The following KDM4C variants were observed in gnomAD, a reference collection of about 807,000 sequenced individuals.
KDM4C encodes lysine-specific demethylase 4C.
Under a neutral mutation model 129.3 loss-of-function variants are expected in KDM4C, and 81 were observed. That is an observed-to-expected ratio of 0.63 (90% CI 0.52 to 0.75). KDM4C has a LOEUF of 0.75. KDM4C is among the 30% of genes least tolerant of loss of function. The pLI is 0.00. For synonymous variants in KDM4C, 573 were observed against 456.1 expected, an observed-to-expected ratio of 1.26 and a Z score of -3.26; for missense variants, 1,457 against 1,304.0, an observed-to-expected ratio of 1.12 and a Z score of -1.81.
chr9:6,896,178 T>C (rs1323921888), intron 8 of KDM4C, among the ~76,000 whole-genome samples: 1 of 152,226 alleles, frequency 6.6e-6, no homozygotes, highest in Admixed American at 6.5e-5. Context: ...AGGATGCCCA[T>C]ATTTGTCTTA....
chr9:7,155,673 C>A (rs1843093751), intron 19 of KDM4C, among the ~76,000 whole-genome samples: 1 of 152,200 alleles, frequency 6.6e-6, no homozygotes, highest in African/African-American at 2.4e-5. Flanking sequence ...CATGTCCCTT[C>A]AAAGGACATG....
intron 1 of KDM4C, among the ~76,000 whole-genome samples, chr9:6,737,755 C>A (rs1817571722): frequency 6.6e-6 from 1 of 150,644 alleles, no homozygotes; most frequent in African/African-American, 2.4e-5. Flanking sequence ...AAAAAATGTT[C>A]AACATCACTA....
chr9:6,744,855 G>T (rs926684386), intron 1 of KDM4C, among the ~76,000 whole-genome samples: 23 of 152,082 alleles, frequency 1.5e-4, no homozygotes, highest in African/African-American at 4.1e-4. Context: ...GGGCAAGGTG[G>T]GGGGTGGGGA....
At chr9:6,749,069 G>C in intron 1 of KDM4C, 2 of 515,566 alleles carry the variant, frequency 3.9e-6, no homozygotes, top group Non-Finnish European at 7.4e-6. Context: ...GCCCAGGCTG[G>C]AGTGCAATGG....
intron 2 of KDM4C, among the ~76,000 whole-genome samples, chr9:6,801,452 T>C (rs1480975402): frequency 2.0e-5 from 3 of 151,178 alleles, no homozygotes; most frequent in Admixed American, 6.6e-5. Flanking sequence ...TTAGCCAGGA[T>C]AGTCTGGATC....
At chr9:7,076,623 T>C in intron 17 of KDM4C, 3 of 1,411,106 alleles carry the variant, frequency 2.1e-6, no homozygotes, top group Non-Finnish European at 1.8e-6. Flanking sequence ...GAGCTCCTGA[T>C]TGAGTCAGAC....
intron 1 of KDM4C, among the ~76,000 whole-genome samples, chr9:6,739,480 T>G (rs1817622555): frequency 1.3e-5 from 2 of 152,132 alleles, no homozygotes; most frequent in South Asian, 4.1e-4. Context: ...GTGTTTACAC[T>G]AAGGCTTCAC....
chr9:6,797,133 C>T (rs533854183), intron 2 of KDM4C, among the ~76,000 whole-genome samples: 3 of 152,020 alleles, frequency 2.0e-5, no homozygotes, highest in African/African-American at 4.8e-5. Flanking sequence ...CTGGGACTAC[C>T]CACGCCTGGG....
chr9:6,914,515 C>G (rs947233673), intron 8 of KDM4C, among the ~76,000 whole-genome samples: 9 of 152,116 alleles, frequency 5.9e-5, no homozygotes, highest in African/African-American at 2.2e-4. Flanking sequence ...AGGTATTGGA[C>G]CAATTCATGA....
At chr9:7,075,028 CAG>C (rs1192647760) in intron 17 of KDM4C, among the ~76,000 whole-genome samples, 1 of 152,116 alleles carries the variant, frequency 6.6e-6, no homozygotes, top group Non-Finnish European at 1.5e-5. Flanking sequence ...GAGCAATAAA[CAG>C]AGTCTCCTCT....
chr9:6,861,259 A>G (rs1216523948), intron 5 of KDM4C, among the ~76,000 whole-genome samples: 3 of 152,188 alleles, frequency 2.0e-5, no homozygotes, highest in Non-Finnish European at 4.4e-5. Flanking sequence ...TGTCTCTCCC[A>G]TGAGATATTC....
chr9:6,961,699 G>A (rs969038982), intron 8 of KDM4C, among the ~76,000 whole-genome samples: 1 of 152,116 alleles, frequency 6.6e-6, no homozygotes. Context: ...CAAGGTAAGG[G>A]TCTGTGGCCC....
At chr9:6,774,416 G>C (rs1050543007) in intron 1 of KDM4C, among the ~76,000 whole-genome samples, 1 of 152,054 alleles carries the variant, frequency 6.6e-6, no homozygotes, top group Non-Finnish European at 1.5e-5. Flanking sequence ...TGTAATCCCA[G>C]CACTTTGGGA....
At position 7,015,864 on chromosome 9, in the gene KDM4C, A is replaced by G. The variant is rs969286239; in HGVS notation, c.2194A>G (p.Ile732Val). 10 of 1,610,542 alleles carry G rather than the reference A, an allele frequency of 6.2e-6. No homozygotes were observed. The highest frequency in any genetic ancestry group is 3.3e-5 in the Admixed American group (2 of 59,986). Residue 732 changes from isoleucine to valine, a missense_variant, in exon 15 of 22, where the codon ATT (isoleucine) becomes GTT (valine). By Grantham distance (29) the Ile-to-Val change is conservative (BLOSUM62 3). Coordinates refer to ENST00000381309, the MANE Select transcript of KDM4C (RefSeq NM_015061.6). ...CTATTATTTTATAGGTTGTTATGGT[A>G]TTCCTTCTCATGAGATCTGTGATGG... Reference protein sequence around the residue: ...CVRVHASCYGIPSHEICDGWL... With the variant: ...CVRVHASCYGVPSHEICDGWL...
intron 17 of KDM4C, among the ~76,000 whole-genome samples, chr9:7,060,538 G>C (rs1314242245): frequency 1.3e-5 from 2 of 151,330 alleles, no homozygotes; most frequent in African/African-American, 4.8e-5. Flanking sequence ...CTGGAGTGCA[G>C]TGGTGCGATC....
At chr9:6,903,262 G>A (rs146195233) in intron 8 of KDM4C, among the ~76,000 whole-genome samples, 1 of 152,262 alleles carries the variant, frequency 6.6e-6, no homozygotes, top group East Asian at 1.9e-4. Flanking sequence ...TTAAAAAGAT[G>A]ACTGTTTTGT....
At chr9:7,002,015 C>A (rs1186870877) in intron 12 of KDM4C, among the ~76,000 whole-genome samples, 1 of 152,128 alleles carries the variant, frequency 6.6e-6, no homozygotes, top group Non-Finnish European at 1.5e-5. Context: ...GCCTTAGCCT[C>A]CCGAGTATCT....
chr9:7,128,030 ACTT>A, intron 18 of KDM4C, 33 bp from the exon 19 acceptor site: 1 of 1,363,550 alleles, frequency 7.3e-7, no homozygotes, highest in Non-Finnish European at 9.6e-7. Flanking sequence ...CTGTTCTCTT[ACTT>A]CTTTTCTTCC....
intron 8 of KDM4C, among the ~76,000 whole-genome samples, chr9:6,935,186 A>G (rs1233415962): frequency 1.3e-5 from 2 of 152,086 alleles, no homozygotes; most frequent in Non-Finnish European, 2.9e-5. Flanking sequence ...AAAAGATAAT[A>G]TCTCAATTAT....
Sources: allele counts gnomAD v4.1 joint callset (sites outside exome capture counted in the v4.1 genomes callset), GRCh38; gene constraint gnomAD v4.1.1; transcripts MANE v1.5; gene names NCBI Gene and HGNC (gene_info 2026-07-23, HGNC 2026-07-21).